Variants in RAP1GAP2 observed in about 807,000 individuals in gnomAD.
RAP1GAP2 encodes the protein RAP1 GTPase activating protein 2.
Under a neutral mutation model 95.0 loss-of-function variants are expected in RAP1GAP2, and 27 were observed. The observed-to-expected ratio is 0.28, with a 90% CI of 0.21 to 0.39. The LOEUF is 0.39. Ranked by LOEUF, RAP1GAP2 falls within the 10% of genes least tolerant of loss-of-function variation. RAP1GAP2 has a pLI of 1.00. For synonymous variants in RAP1GAP2, 373 were observed against 380.9 expected, an observed-to-expected ratio of 0.98 and a Z score of 0.24; for missense variants, 771 against 970.0, an observed-to-expected ratio of 0.79 and a Z score of 2.72.
At chr17:3,016,525 C>T (rs766460254) in intron 17 of RAP1GAP2, among the ~76,000 whole-genome samples, 18 of 152,262 alleles carry the variant, frequency 1.2e-4, no homozygotes, top group Non-Finnish European at 2.5e-4. Context: ...ACCCCACAGG[C>T]TCTGGGTCTT....
intron 1 of RAP1GAP2, among the ~76,000 whole-genome samples, chr17:2,786,946 C>CTTTTTTT (rs67990731): frequency 3.4e-4 from 20 of 58,268 alleles, no homozygotes; most frequent in East Asian, 1.4e-3. Context: ...CGCTCCCAGC[C>CTTTTTTT]TTTTTTTTTT....
At chr17:2,955,795 G>A (rs543747306) in intron 3 of RAP1GAP2, among the ~76,000 whole-genome samples, 3 of 152,188 alleles carry the variant, frequency 2.0e-5, no homozygotes, top group Non-Finnish European at 4.4e-5. Context: ...TCATTTTATC[G>A]AAGTTATCTA....
At chr17:3,006,864 A>G (rs73298947) in intron 16 of RAP1GAP2, among the ~76,000 whole-genome samples, 7,144 of 152,104 alleles carry the variant, frequency 0.047, 556 homozygotes, top group African/African-American at 0.16. Flanking sequence ...GGGGGTCATT[A>G]CTAAATAGAT....
At chr17:2,878,975 C>T (rs761848295) in intron 2 of RAP1GAP2, among the ~76,000 whole-genome samples, 8 of 152,170 alleles carry the variant, frequency 5.3e-5, no homozygotes, top group African/African-American at 9.7e-5. Context: ...ATGCTGAGCC[C>T]GGAGGCCGGC....
intron 5 of RAP1GAP2, 165 bp downstream of exon 5, chr17:2,962,879 G>T (rs965320506): frequency 4.5e-6 from 3 of 665,592 alleles, no homozygotes; most frequent in Admixed American, 6.3e-5. Flanking sequence ...ACCAGTGCAC[G>T]GTGGGCAGCA....
intron 2 of RAP1GAP2, among the ~76,000 whole-genome samples, chr17:2,821,733 G>A (rs2070314118): frequency 6.6e-6 from 1 of 152,116 alleles, no homozygotes; most frequent in Admixed American, 6.6e-5. Flanking sequence ...CTCCTCGGTT[G>A]CACTAGCCAC....
At chr17:2,964,951 T>A (rs1051943302) in intron 7 of RAP1GAP2, 1 of 153,008 alleles carries the variant, frequency 6.5e-6, no homozygotes, top group Non-Finnish European at 1.5e-5. Flanking sequence ...AGCATGCAGA[T>A]TCCAGGGCCT....
chr17:2,782,201 C>T (rs952236405), intron 1 of RAP1GAP2, among the ~76,000 whole-genome samples: 1 of 152,104 alleles, frequency 6.6e-6, no homozygotes, highest in Admixed American at 6.5e-5. Flanking sequence ...GAGGAAGTTG[C>T]TTCTCCCCCT....
intron 2 of RAP1GAP2, among the ~76,000 whole-genome samples, chr17:2,858,504 A>G (rs975781053): frequency 3.3e-5 from 5 of 152,194 alleles, no homozygotes; most frequent in African/African-American, 9.7e-5. Flanking sequence ...TACGGCCCCA[A>G]TCTTGTTTCA....
At chr17:2,780,372 C>G (rs1203025150) in intron 1 of RAP1GAP2, among the ~76,000 whole-genome samples, 1 of 152,208 alleles carries the variant, frequency 6.6e-6, no homozygotes, top group Non-Finnish European at 1.5e-5. Flanking sequence ...ATCCTTTTTT[C>G]CACGGTGTCC....
chr17:2,913,736 A>T (rs979203706), intron 3 of RAP1GAP2, among the ~76,000 whole-genome samples: 1 of 152,244 alleles, frequency 6.6e-6, no homozygotes, highest in South Asian at 2.1e-4. Context: ...CGTGAGCCAT[A>T]CCTTGATCAA....
intron 2 of RAP1GAP2, among the ~76,000 whole-genome samples, chr17:2,810,453 T>C (rs1023465247): frequency 2.0e-5 from 3 of 150,560 alleles, no homozygotes; most frequent in African/African-American, 7.3e-5. Flanking sequence ...GTTGGTGTGC[T>C]GCACCCATTA....
rs568836629 is a variant in RAP1GAP2, at chr17:2,964,205, G to A, written c.492+137G>A. The A allele has an allele frequency of 1.3e-3, 987 of 764,872 alleles. 30 individuals are homozygous for A. In the South Asian group the frequency reaches 0.018, roughly 14 times the overall value. The allele number at this position is 764,872 out of a possible 1,614,324, so 47.4% of individuals were successfully genotyped here. The stretch of plus-strand genomic sequence containing the variant: ...AGGCTGTGGGAGAGGAGCTGCCAGG[G>A]GTGGGGGTGAGGCTGGGAGAGGCTG... On this transcript the variant is annotated intron_variant, in intron 7 of 24. Transcript: ENST00000254695.
rs1438365808 is a variant in RAP1GAP2 at position 3,008,669 on chromosome 17, T to G, written c.1494+524T>G. On this transcript the variant is annotated intron_variant, in intron 17 of 24. Coordinates refer to ENST00000254695, the MANE Select transcript of RAP1GAP2 (RefSeq NM_015085.5). This position sits in a 1 kb window ranked among gnomAD's most constrained non-coding sequence, Gnocchi z 4.2. The stretch of plus-strand genomic sequence containing the variant: ...TTGGACTTTGCCAAGGGAAAAAAAC[T>G]AACTAGAAGGAGCTGCTAAAGGAAG... Among the ~76,000 whole-genome samples the G allele has an allele frequency of 6.6e-6, 1 of 152,116 alleles. No individual in the cohort carries two copies. Among genetic ancestry groups the G allele is most frequent in the African/African-American group, 2.4e-5 (1 of 41,422 alleles).
At chr17:2,790,611 A>G (rs1400065908) in intron 1 of RAP1GAP2, among the ~76,000 whole-genome samples, 2 of 152,060 alleles carry the variant, frequency 1.3e-5, no homozygotes, top group African/African-American at 4.8e-5. Context: ...TACTGTCTGG[A>G]TGGGGGAGGA....
At chr17:2,952,203 T>G (rs1041661547) in intron 3 of RAP1GAP2, among the ~76,000 whole-genome samples, 18 of 152,182 alleles carry the variant, frequency 1.2e-4, no homozygotes, top group South Asian at 4.2e-4. Flanking sequence ...TTCTTTATGT[T>G]TCATGGAAAC....
Position 3,005,933 on chromosome 17 carries a change from A to G in RAP1GAP2, c.1273-22A>G, listed in dbSNP as rs760516174. On this transcript the variant is annotated intron_variant, in intron 15 of 24. Coordinates refer to ENST00000254695, the MANE Select transcript of RAP1GAP2 (RefSeq NM_015085.5). The surrounding 1 kb of genome is among the most constrained non-coding windows in gnomAD (Gnocchi z 5.2). Reference sequence around the variant, plus strand: ...GCAACAGCCGAGAGTGACAGACCTGAGGTCCGTCTTGTCTCTTCCAGGGCC... The same window carrying G: ...GCAACAGCCGAGAGTGACAGACCTGGGGTCCGTCTTGTCTCTTCCAGGGCC... The G allele has an allele frequency of 4.9e-5, 79 of 1,606,598 alleles. No homozygotes were observed. Among genetic ancestry groups the G allele is most frequent in the Admixed American group, 2.5e-4 (15 of 59,970 alleles).
intron 3 of RAP1GAP2, among the ~76,000 whole-genome samples, chr17:2,946,040 C>T (rs1478219954): frequency 6.6e-6 from 1 of 152,156 alleles, no homozygotes; most frequent in Non-Finnish European, 1.5e-5. Context: ...ATCCTCCTGC[C>T]TCAGCCTCCC....
chr17:2,774,480 GTTTTTTT>G, upstream of RAP1GAP2, among the ~76,000 whole-genome samples: 1 of 99,452 alleles, frequency 1.0e-5, no homozygotes, highest in East Asian at 2.6e-4. Context: ...CCCTGCTATC[GTTTTTTT>G]TTTTTTTTTT....
Sources: allele counts gnomAD v4.1 joint callset (sites outside exome capture counted in the v4.1 genomes callset), GRCh38; gene constraint gnomAD v4.1.1; non-coding constraint Gnocchi (gnomAD v3.1); transcripts MANE v1.5; gene names NCBI Gene and HGNC (gene_info 2026-07-23, HGNC 2026-07-21).